Variants in MYH10 observed in about 807,000 individuals in gnomAD.
The protein encoded by MYH10 is myosin-10.
A neutral mutation model predicts 257.8 loss-of-function variants in MYH10; 55 were observed. That is an observed-to-expected ratio of 0.21 (90% CI 0.17 to 0.27). MYH10 has a LOEUF of 0.27. Among genes scored for constraint, MYH10 ranks in the 10% least tolerant of loss-of-function variants. MYH10 has a pLI of 1.00. For missense variants in MYH10, 1,631 were observed against 2,500.6 expected, an observed-to-expected ratio of 0.65 and a Z score of 7.42; for synonymous variants, 854 against 921.7, an observed-to-expected ratio of 0.93 and a Z score of 1.33.
At chr17:8,517,376 A>C (rs1211614585) in intron 21 of MYH10, among the ~76,000 whole-genome samples, 1 of 152,170 alleles carries the variant, frequency 6.6e-6, no homozygotes, top group Admixed American at 6.5e-5. Flanking sequence ...TTTCCAACCC[A>C]CATGTAGAGT....
At chr17:8,537,570 C>T (rs2082175846) in intron 14 of MYH10, among the ~76,000 whole-genome samples, 1 of 152,156 alleles carries the variant, frequency 6.6e-6, no homozygotes, top group Non-Finnish European at 1.5e-5. Context: ...TTTAGAGGAG[C>T]TCAGAGTGGC....
chr17:8,549,696 C>G (rs1257043981), intron 9 of MYH10, among the ~76,000 whole-genome samples: 1 of 152,166 alleles, frequency 6.6e-6, no homozygotes, highest in Non-Finnish European at 1.5e-5. Flanking sequence ...AAAGAATTTA[C>G]TCGCTCTCCC....
chr17:8,492,631 C>CT (rs74648985), intron 33 of MYH10, 122 bp from the exon 34 acceptor site: 20,735 of 947,998 alleles, frequency 0.022, 38 homozygotes, highest in African/African-American at 0.048. Flanking sequence ...CTTGTATTTC[C>CT]TTTTTTTTTT....
At chr17:8,581,374 G>A (rs2083698768) in intron 4 of MYH10, among the ~76,000 whole-genome samples, 1 of 151,848 alleles carries the variant, frequency 6.6e-6, no homozygotes, top group South Asian at 2.1e-4. Flanking sequence ...TTAGACTGAT[G>A]ATGACTTGTC....
intron 30 of MYH10, 52 bp from the exon 31 acceptor site, chr17:8,495,293 G>A (rs757441126): frequency 3.5e-6 from 4 of 1,152,728 alleles, no homozygotes; most frequent in South Asian, 1.2e-5. Context: ...AGCAGAAAGG[G>A]TCTAGAAACA....
At chr17:8,531,148 C>T (rs978208798) in intron 16 of MYH10, among the ~76,000 whole-genome samples, 6 of 151,884 alleles carry the variant, frequency 4.0e-5, no homozygotes, top group East Asian at 1.9e-4. Flanking sequence ...TACAGATTTT[C>T]GGAAATATAA....
chr17:8,575,517 T>C (rs1352668712), intron 6 of MYH10, among the ~76,000 whole-genome samples: 1 of 152,154 alleles, frequency 6.6e-6, no homozygotes, highest in Non-Finnish European at 1.5e-5. Context: ...ATTCTGCAGC[T>C]AAAGGAGCAA....
At position 8,504,437 on chromosome 17, in the gene MYH10, C is replaced by T. The variant is rs2081007858; in HGVS notation, c.3599+257G>A. On this transcript the variant is annotated intron_variant, in intron 28 of 42. Transcript: ENST00000360416. The surrounding 1 kb of genome is among the most constrained non-coding windows in gnomAD (Gnocchi z 5.6). ...ACTCTCTCCCCCTAGATATCCATCA[C>T]TGACCACAGCTTTTCCGATCACATC... Among the ~76,000 whole-genome samples, 1 of 152,230 alleles carries T rather than the reference C, an allele frequency of 6.6e-6. No homozygotes were observed. Among genetic ancestry groups the T allele is most frequent in the Non-Finnish European group, 1.5e-5 (1 of 68,044 alleles).
chr17:8,553,444 A>T (rs2082703977), intron 8 of MYH10, among the ~76,000 whole-genome samples: 1 of 152,232 alleles, frequency 6.6e-6, no homozygotes, highest in Non-Finnish European at 1.5e-5. Flanking sequence ...TTACCTGGGT[A>T]TATATGTGCA....
chr17:8,503,793 G>A (rs2080985490), intron 28 of MYH10, among the ~76,000 whole-genome samples: 1 of 152,202 alleles, frequency 6.6e-6, no homozygotes, highest in Non-Finnish European at 1.5e-5. Flanking sequence ...AGGGTGATGG[G>A]CTATCCTTTC....
At chr17:8,619,487 T>C (rs979846624) in intron 2 of MYH10, among the ~76,000 whole-genome samples, 1 of 152,050 alleles carries the variant, frequency 6.6e-6, no homozygotes, top group Non-Finnish European at 1.5e-5. Flanking sequence ...TCCTAGGGGG[T>C]CCAGACCACA....
Position 8,630,181 on chromosome 17 carries a change from T to A in MYH10, c.-32+473A>T, listed in dbSNP as rs1265669372. Among the ~76,000 whole-genome samples, 3 of 145,524 alleles carry A rather than the reference T, an allele frequency of 2.1e-5. No homozygotes were observed. The East Asian group carries it at 6.3e-4, about 31-fold the overall frequency. On this transcript the variant is annotated intron_variant, in intron 1 of 42. Coordinates refer to ENST00000360416, the MANE Select transcript of MYH10 (RefSeq NM_001256012.3). ...CCAGCCCCGCTTAGAATCCCCTCTC[T>A]TCCTGGGAGGCAGACACTGGCTCGC...
At chr17:8,487,175 G>T (rs901317225) in intron 36 of MYH10, among the ~76,000 whole-genome samples, 2 of 152,226 alleles carry the variant, frequency 1.3e-5, no homozygotes, top group Non-Finnish European at 2.9e-5. Context: ...GAGGAAGGGT[G>T]GGTTTTAAGC....
At chr17:8,623,998 G>A (rs186938261) in intron 1 of MYH10, among the ~76,000 whole-genome samples, 1 of 152,130 alleles carries the variant, frequency 6.6e-6, no homozygotes, top group Admixed American at 6.5e-5. Context: ...CGGATCTCTC[G>A]CCTAAACAGA....
chr17:8,484,605 T>A (rs1914447443), intron 36 of MYH10, among the ~76,000 whole-genome samples: 1 of 152,190 alleles, frequency 6.6e-6, no homozygotes, highest in South Asian at 2.1e-4. Context: ...GCAAACTGAA[T>A]CTGGCAACAT....
intron 9 of MYH10, among the ~76,000 whole-genome samples, chr17:8,549,676 T>C (rs1358936245): frequency 6.6e-6 from 1 of 152,178 alleles, no homozygotes; most frequent in Admixed American, 6.5e-5. Context: ...TTCAACACTT[T>C]GATCATTTTA....
rs534521608 is a variant in MYH10, at chr17:8,555,403, T to G, written c.757-1385A>C. Among the ~76,000 whole-genome samples, 10 of 152,220 alleles carry G rather than the reference T, an allele frequency of 6.6e-5. No individual in the cohort carries two copies. In the South Asian group the frequency reaches 2.1e-3, roughly 32 times the overall value. On this transcript the variant is annotated intron_variant, in intron 7 of 42. Transcript: ENST00000360416. Reference sequence around the variant, plus strand: ...TACTTGATTTCAAAAAGCTATAAATTTACTAGGACAGTGTGGTATTGGTGT... The same window carrying G: ...TACTTGATTTCAAAAAGCTATAAATGTACTAGGACAGTGTGGTATTGGTGT...
At chr17:8,620,181 C>T (rs1009983641) in intron 2 of MYH10, among the ~76,000 whole-genome samples, 1 of 152,060 alleles carries the variant, frequency 6.6e-6, no homozygotes, top group Non-Finnish European at 1.5e-5. Context: ...TAAAAGCTGA[C>T]AATATACTAC....
chr17:8,572,454 T>C (rs1036168785), intron 6 of MYH10, among the ~76,000 whole-genome samples: 5 of 152,162 alleles, frequency 3.3e-5, no homozygotes, highest in African/African-American at 7.2e-5. Context: ...GTGAGGACAT[T>C]TTTTGCTTAT....
Sources: gnomAD v4.1 joint callset for allele counts (sites outside exome capture counted in the v4.1 genomes callset) on GRCh38, gnomAD v4.1.1 for gene constraint, Gnocchi (gnomAD v3.1) non-coding constraint, MANE v1.5 for transcripts, NCBI Gene and HGNC (gene_info 2026-07-23, HGNC 2026-07-21) for gene names.